Variants in GSE1 observed in about 807,000 individuals in gnomAD.
GSE1 encodes Gse1 coiled-coil protein.
Under a neutral mutation model 112.6 loss-of-function variants are expected in GSE1, and 32 were observed. The observed-to-expected ratio is 0.28, with a 90% CI of 0.21 to 0.38. The LOEUF (loss-of-function observed/expected upper bound fraction) is 0.38, where lower values mean the gene tolerates loss of function less well. Ranked by LOEUF, GSE1 falls within the 10% of genes least tolerant of loss-of-function variation. The pLI, the probability that GSE1 is intolerant of heterozygous loss-of-function variation, is 1.00. For synonymous variants in GSE1, 1,115 were observed against 735.6 expected (o/e 1.52, Z -8.35); for missense variants, 2,348 against 1,699.2 (o/e 1.38, Z -6.71).
chr16:85,295,550 A>T (rs1387943397), intron 1 of GSE1, among the ~76,000 whole-genome samples: 1 of 152,012 alleles, frequency 6.6e-6, no homozygotes, highest in Non-Finnish European at 1.5e-5. Flanking sequence ...ATGGCCTTTT[A>T]TGACTTAGCC....
intron 2 of GSE1, among the ~76,000 whole-genome samples, chr16:85,391,034 C>T (rs2047827824): frequency 6.6e-6 from 1 of 151,904 alleles, no homozygotes; most frequent in South Asian, 2.1e-4. Context: ...AAGGCGCCAG[C>T]CTCCTTGGCT....
rs1258283592 is a variant in GSE1 at position 85,246,513 on chromosome 16, C to T, written c.2283+74706C>T. Among the ~76,000 whole-genome samples the T allele has an allele frequency of 1.3e-4, 13 of 99,216 alleles. 2 individuals are homozygous for T. Among genetic ancestry groups the T allele is most frequent in the Non-Finnish European group, 2.6e-4 (11 of 41,972 alleles). 65.1% of individuals were successfully genotyped at this position (99,216 alleles called of 152,430 possible). A position where few individuals can be genotyped will look rare whatever the true frequency, so the allele number is the denominator to read the frequency against. Reference sequence around the variant, plus strand: ...CACACTCTACACACCCCCCCCCCCCCGACGCTGTCTGCAGGAGATGTGATT... The same window carrying T: ...CACACTCTACACACCCCCCCCCCCCTGACGCTGTCTGCAGGAGATGTGATT... On this transcript the variant is annotated intron_variant, in intron 1 of 2. Transcript: ENST00000637419.
At chr16:85,648,268 G>C (rs1241221444) in intron 2 of GSE1, among the ~76,000 whole-genome samples, 1 of 152,126 alleles carries the variant, frequency 6.6e-6, no homozygotes, top group Non-Finnish European at 1.5e-5. Context: ...GTGGCGGTGG[G>C]CGGCCCTGGG....
At chr16:85,274,637 C>A (rs1035047096) in intron 1 of GSE1, among the ~76,000 whole-genome samples, 1 of 152,202 alleles carries the variant, frequency 6.6e-6, no homozygotes, top group Non-Finnish European at 1.5e-5. Flanking sequence ...CAGCCTCCCA[C>A]GTGGGATGGG....
At chr16:85,582,466 G>C (rs1294496274) in intron 1 of GSE1, among the ~76,000 whole-genome samples, 1 of 152,128 alleles carries the variant, frequency 6.6e-6, no homozygotes. Context: ...GCCAGAGCCC[G>C]GTCACTTGGG....
chr16:85,554,956 C>A (rs1424000784), upstream of GSE1: 1 of 985,218 alleles, frequency 1.0e-6, no homozygotes, highest in South Asian at 4.7e-5. Context: ...TTTGGAGAGG[C>A]GAGCCCGGCT....
At chr16:85,624,116 G>C (rs1310502269) in intron 1 of GSE1, among the ~76,000 whole-genome samples, 1 of 152,214 alleles carries the variant, frequency 6.6e-6, no homozygotes, top group Non-Finnish European at 1.5e-5. Flanking sequence ...TCCTCTTCCT[G>C]CTGGCCCATG....
intron 1 of GSE1, among the ~76,000 whole-genome samples, chr16:85,186,430 C>T (rs1050578305): frequency 7.3e-5 from 11 of 150,648 alleles, no homozygotes; most frequent in Non-Finnish European, 7.4e-5. Context: ...TGGTGAAACC[C>T]CATCTCTACT....
chr16:85,478,412 A>C (rs1365543357), intron 2 of GSE1, among the ~76,000 whole-genome samples: 3 of 151,918 alleles, frequency 2.0e-5, no homozygotes, highest in Non-Finnish European at 4.4e-5. Flanking sequence ...CTGTAGTCCC[A>C]GCTACTCGGG....
chr16:85,495,301 C>A (rs1168895034), intron 2 of GSE1, among the ~76,000 whole-genome samples: 1 of 151,950 alleles, frequency 6.6e-6, no homozygotes, highest in Non-Finnish European at 1.5e-5. Context: ...GGAGGGAGCA[C>A]TGGAGTGGGA....
chr16:85,196,815 C>A (rs930934481), intron 1 of GSE1, among the ~76,000 whole-genome samples: 11 of 152,070 alleles, frequency 7.2e-5, no homozygotes, highest in Admixed American at 1.3e-4. Context: ...TTCATTCCCT[C>A]ATTCAGAAGC....
chr16:85,619,388 A>G (rs1168536637), intron 1 of GSE1, among the ~76,000 whole-genome samples: 1 of 145,150 alleles, frequency 6.9e-6, no homozygotes, highest in East Asian at 2.2e-4. Flanking sequence ...TCTATATGTC[A>G]AGCTGAGCAC....
At chr16:85,490,640 G>A (rs1308372432) in intron 2 of GSE1, 1 of 152,224 alleles carries the variant, frequency 6.6e-6, no homozygotes, top group East Asian at 1.9e-4. Flanking sequence ...CACCACGAGT[G>A]GATGCTGTGG....
exon 1 of GSE1, chr16:85,170,582 CCCGGGCTCT>C: frequency 1.0e-6 from 1 of 985,574 alleles, no homozygotes; most frequent in Non-Finnish European, 1.2e-6. Context: ...GGCCGTGTCC[CCCGGGCTCT>C]CCAGGACAGC....
chr16:85,552,545 G>A (rs9940761), upstream of GSE1, among the ~76,000 whole-genome samples: 26,793 of 117,594 alleles, frequency 0.23, 3,727 homozygotes, highest in Middle Eastern at 0.37. Flanking sequence ...TGTTAGCCAG[G>A]ATGGTCTCGA....
chr16:85,364,458 C>T lies in GSE1; in HGVS notation c.2464+6815C>T, dbSNP rs545926815. ...TTGGGATGTAGACATCTTTTGAGTC[C>T]GTGCTTAGCCTGCAGCCACAGTATT... On this transcript the variant is annotated intron_variant, in intron 2 of 2. Coordinates refer to the GSE1 transcript ENST00000637419. Among the ~76,000 whole-genome samples, 30 of 152,328 alleles carry T rather than the reference C, an allele frequency of 2.0e-4. No individual in the cohort carries two copies. The East Asian group carries it at 3.9e-3, about 20-fold the overall frequency.
upstream of GSE1, chr16:85,555,356 T>C: frequency 1.0e-6 from 1 of 982,820 alleles, no homozygotes; most frequent in Non-Finnish European, 1.2e-6. Context: ...TCTCTCTGAG[T>C]CAGTGGTGGG....
At chr16:85,607,413 C>T (rs1031563510), upstream of GSE1, among the ~76,000 whole-genome samples, 7 of 152,236 alleles carry the variant, frequency 4.6e-5, no homozygotes, top group Non-Finnish European at 5.9e-5. Flanking sequence ...CAGGGCTCGG[C>T]GGCGCTCACA....
intron 2 of GSE1, among the ~76,000 whole-genome samples, chr16:85,396,041 C>A (rs1333875537): frequency 6.6e-6 from 1 of 152,246 alleles, no homozygotes; most frequent in African/African-American, 2.4e-5. Flanking sequence ...GCTTCTAGAA[C>A]CTTCTCTTGG....
Sources: gnomAD v4.1 joint callset for allele counts (sites outside exome capture counted in the v4.1 genomes callset) on GRCh38, gnomAD v4.1.1 for gene constraint, MANE v1.5 for transcripts, NCBI Gene and HGNC (gene_info 2026-07-23, HGNC 2026-07-21) for gene names.